The following KIF2C variants were observed in gnomAD, a reference collection of about 807,000 sequenced individuals.
KIF2C encodes the protein kinesin-like protein KIF2C.
KIF2C carries 34 observed loss-of-function variants against 97.4 expected under a neutral mutation model. The observed-to-expected ratio is 0.35, with a 90% confidence interval of 0.27 to 0.46. KIF2C has a LOEUF of 0.46. KIF2C is among the 20% of genes least tolerant of loss of function. The probability of loss-of-function intolerance (pLI) is 1.00; values close to 1 mark genes in which losing one functional copy is unlikely to be tolerated. For synonymous variants in KIF2C, 313 were observed against 318.2 expected (o/e 0.98, Z 0.17); for missense variants, 750 against 907.6 (o/e 0.83, Z 2.23).
chr1:44,759,333 T>C lies in KIF2C; in HGVS notation c.1352T>C (p.Met451Thr), dbSNP rs768589247. The part of the protein sequence containing the change: ...SADDVIKMID[M>T]GSACRTSGQT... ...GATGATGTCATCAAGATGATCGACA[T>C]GGGCAGCGCCTGCAGGTGAGAGTCC... The change falls in exon 14 of 21, where the codon ATG becomes ACG. Residue 451 changes from methionine (M) to threonine (T), a missense_variant. By Grantham distance (81) the Met-to-Thr change is moderately conservative. Coordinates refer to ENST00000372224, the MANE Select transcript of KIF2C (RefSeq NM_006845.4). 3 of 1,614,022 alleles carry C rather than the reference T, an allele frequency of 1.9e-6. No individual in the cohort carries two copies. Among genetic ancestry groups the C allele is most frequent in the African/African-American group, 2.7e-5 (2 of 74,942 alleles).
Position 44,760,628 on chromosome 1 carries a change from A to T in KIF2C, c.1609A>T (p.Thr537Ser). The T allele has an allele frequency of 6.2e-7, 1 of 1,614,054 alleles. No homozygotes were observed. Among genetic ancestry groups the T allele is most frequent in the Non-Finnish European group, 8.5e-7 (1 of 1,180,004 alleles). ...GGCCCTGGGACAGAACAAGGCTCAC[A>T]CCCCGTTCCGTGAGAGCAAGCTGAC... ...IRALGQNKAH[T>S]PFRESKLTQV... is the part of the protein sequence containing the mutation. Residue 537 changes from threonine (T) to serine (S), a missense_variant, in exon 16 of 21, where the codon ACC becomes TCC. Transcript: ENST00000372224. This position sits in a 1 kb window ranked among gnomAD's most constrained non-coding sequence, Gnocchi z 4.2.
At chr1:44,757,694 CT>C (rs1419023679) in intron 11 of KIF2C, 48 bp downstream of exon 11, 6 of 1,355,276 alleles carry the variant, frequency 4.4e-6, no homozygotes, top group Non-Finnish European at 5.3e-6. Flanking sequence ...TTGTGCACCC[CT>C]GGCTCCCTAT....
rs1227424363 is a variant in KIF2C at position 44,760,896 on chromosome 1, AG to A, written c.1683+196del. Reference sequence around the variant, plus strand: ...TGTGGCCTAACCAAGCGTGGAGGAAAGGATCTATTCCCTTTAAGATGTGTAG... The same window carrying A: ...TGTGGCCTAACCAAGCGTGGAGGAAAGATCTATTCCCTTTAAGATGTGTAG... On this transcript the variant is annotated intron_variant, in intron 16 of 20. Coordinates refer to ENST00000372224, the MANE Select transcript of KIF2C (RefSeq NM_006845.4). This position sits in a 1 kb window ranked among gnomAD's most constrained non-coding sequence, Gnocchi z 4.2. 1 of 583,162 alleles carries A rather than the reference AG, an allele frequency of 1.7e-6. No homozygotes were observed. Among genetic ancestry groups the A allele is most frequent in the Non-Finnish European group, 3.1e-6 (1 of 325,572 alleles). The allele number at this position is 583,162 out of a possible 1,614,324, so 36.1% of individuals were successfully genotyped here.
At chr1:44,765,778 G>A (rs1573581301) in intron 19 of KIF2C, among the ~76,000 whole-genome samples, 4 of 152,124 alleles carry the variant, frequency 2.6e-5, no homozygotes, top group Middle Eastern at 3.2e-3. Flanking sequence ...TTGACCGGGC[G>A]TGATGGCTCA....
chr1:44,757,466 G>A (rs1029969556), intron 10 of KIF2C, 90 bp from the exon 11 acceptor site: 6 of 835,134 alleles, frequency 7.2e-6, no homozygotes, highest in South Asian at 2.9e-5. Flanking sequence ...AGGAGGAATC[G>A]ACCCTAGAAC....
In KIF2C at chr1:44,739,952, T is replaced by A. The variant is rs1184453672; in HGVS notation, c.20T>A (p.Leu7His). 1 of 1,614,096 alleles carries A rather than the reference T, an allele frequency of 6.2e-7. No individual in the cohort carries two copies. The highest frequency in any genetic ancestry group is 1.3e-5 in the African/African-American group (1 of 74,944). ...CTCCGAATGGCCATGGACTCGTCGC[T>A]TCAGGCCCGCCTGTTTCCCGGTCTC... Reference protein sequence around the residue: MAMDSSLQARLFPGLAI... With the variant: MAMDSSHQARLFPGLAI... Residue 7 changes from leucine (L) to histidine (H), a missense_variant, in exon 1 of 21, where the codon CTT (leucine) becomes CAT (histidine). Transcript: ENST00000372224.
intron 2 of KIF2C, among the ~76,000 whole-genome samples, chr1:44,743,831 A>C (rs1263942789): frequency 6.6e-6 from 1 of 152,216 alleles, no homozygotes; most frequent in Non-Finnish European, 1.5e-5. Context: ...TGCTTAGCAT[A>C]GTACGTATAG....
intron 16 of KIF2C, 71 bp from the exon 17 acceptor site, chr1:44,761,845 C>A: frequency 2.1e-6 from 3 of 1,408,168 alleles, no homozygotes; most frequent in Non-Finnish European, 3.0e-6. Context: ...GACTGGAGGC[C>A]CCTCAGGGAC....
intron 6 of KIF2C, 46 bp from the exon 7 acceptor site, chr1:44,753,687 C>A: frequency 7.2e-7 from 1 of 1,386,662 alleles, no homozygotes; most frequent in Non-Finnish European, 1.0e-6. Flanking sequence ...AAACTGGTAA[C>A]AGAGTGGGCT....
At chr1:44,765,719 C>CA (rs1178185150) in intron 19 of KIF2C, among the ~76,000 whole-genome samples, 32 of 152,170 alleles carry the variant, frequency 2.1e-4, no homozygotes, top group Non-Finnish European at 4.4e-4. Context: ...CCTGTAGTCT[C>CA]AGCTACTCGG....
rs1170345618 is a variant in KIF2C, at chr1:44,759,355, G to C, written c.1367+7G>C. On this transcript the variant is annotated splice_region_variant and intron_variant, in intron 14 of 20. Transcript: ENST00000372224. ...ACATGGGCAGCGCCTGCAGGTGAGA[G>C]TCCTGGTGAGGGGAAGGAGCGACCT... 1 of 1,614,022 alleles carries C rather than the reference G, an allele frequency of 6.2e-7. No homozygotes were observed. The highest frequency in any genetic ancestry group is 1.7e-5 in the Admixed American group (1 of 60,028).
intron 19 of KIF2C, among the ~76,000 whole-genome samples, chr1:44,764,516 T>C (rs2148835856): frequency 6.9e-6 from 1 of 143,922 alleles, no homozygotes; most frequent in Middle Eastern, 3.6e-3. Context: ...TTTGTTTGTT[T>C]GTTTTGGGGG....
intron 6 of KIF2C, 113 bp downstream of exon 6, chr1:44,753,367 G>A: frequency 8.3e-7 from 1 of 1,210,612 alleles, no homozygotes; most frequent in Non-Finnish European, 1.1e-6. Context: ...TTTGTCACGT[G>A]GGGGCATGTT....
chr1:44,739,866 C>CT lies in KIF2C; in HGVS notation c.-65dup. ...TGCGGCGGTTTACGCGGCGTTAAGACTTCGTAGGGTTAGCGAAATTGAGGT... is the reference window on the plus strand; with the variant it reads ...TGCGGCGGTTTACGCGGCGTTAAGACTTTCGTAGGGTTAGCGAAATTGAGGT... On this transcript the variant is annotated 5_prime_UTR_variant, in exon 1 of 21. Coordinates refer to ENST00000372224, the MANE Select transcript of KIF2C (RefSeq NM_006845.4). The CT allele has an allele frequency of 6.9e-7, 1 of 1,457,914 alleles. No individual in the cohort carries two copies. The highest frequency in any genetic ancestry group is 9.6e-7 in the Non-Finnish European group (1 of 1,037,846). The allele number at this position is 1,457,914 out of a possible 1,614,324, so 90.3% of individuals were successfully genotyped here.
rs759232877 is a variant in KIF2C, at chr1:44,766,726, G to A, written c.1972-100G>A. On this transcript the variant is annotated intron_variant, in intron 19 of 20. Transcript: ENST00000372224. ...CCAGGGTATGGGTCAGGGACCAGAGGTAAAGCATCTTACTCAGGTGTCTGC... is the reference window on the plus strand; with the variant it reads ...CCAGGGTATGGGTCAGGGACCAGAGATAAAGCATCTTACTCAGGTGTCTGC... 239 of 1,326,754 alleles carry A rather than the reference G, an allele frequency of 1.8e-4. 1 individual carries two copies. The highest frequency in any genetic ancestry group is 2.3e-4 in the Admixed American group (11 of 48,444). The allele number at this position is 1,326,754 out of a possible 1,614,324, so 82.2% of individuals were successfully genotyped here.
At position 44,766,630 on chromosome 1, in the gene KIF2C, G is replaced by A. The variant is rs932094958; in HGVS notation, c.1972-196G>A. On this transcript the variant is annotated intron_variant, in intron 19 of 20. Transcript: ENST00000372224. The stretch of plus-strand genomic sequence containing the variant: ...GTCTCAAAAAAGAAACAAAGAAAAC[G>A]AAAAAAACAAGCTTGGGGTAGGAAG... Among the ~76,000 whole-genome samples, 8 of 152,012 alleles carry A rather than the reference G, an allele frequency of 5.3e-5. 1 individual carries two copies. In the South Asian group the frequency reaches 1.5e-3, roughly 28 times the overall value.
Position 44,750,536 on chromosome 1 carries a change from A to G in KIF2C, c.411A>G (p.Ala137=). The change falls in exon 5 of 21, where the codon GCA becomes GCG. Residue 137 remains alanine (A), a synonymous_variant. Transcript: ENST00000372224. ...NDMEVELPAA[A]NSRKQFSVPP... Reference sequence around the variant, plus strand: ...TGGAGGTGGAGCTGCCTGCAGCTGCAAACTCCCGCAAGCAGTTTTCAGTTC... The same window carrying G: ...TGGAGGTGGAGCTGCCTGCAGCTGCGAACTCCCGCAAGCAGTTTTCAGTTC... 6.3e-7 allele frequency: 1 copy of G among 1,585,460 alleles called. No homozygotes were observed. Among genetic ancestry groups the G allele is most frequent in the Non-Finnish European group, 8.6e-7 (1 of 1,163,180 alleles).
chr1:44,756,584 C>G (rs1470383187), intron 10 of KIF2C, among the ~76,000 whole-genome samples: 1 of 102,478 alleles, frequency 9.8e-6, no homozygotes, highest in Non-Finnish European at 1.8e-5. Flanking sequence ...CGGAGTTTTG[C>G]TCTTGTTGCC....
Position 44,754,783 on chromosome 1 carries a change from G to T in KIF2C, c.697G>T (p.Ala233Ser). ...YDSSFPNWEF[A>S]RMIKEFRATL... ...CAGTAGTTTTCCAAACTGGGAATTTGCCCGAATGATTAAAGAATTTCGGGC... is the reference window on the plus strand; with the variant it reads ...CAGTAGTTTTCCAAACTGGGAATTTTCCCGAATGATTAAAGAATTTCGGGC... Residue 233 changes from alanine (A) to serine (S), a missense_variant, in exon 8 of 21, where the codon GCC becomes TCC. Coordinates refer to ENST00000372224, the MANE Select transcript of KIF2C (RefSeq NM_006845.4). 6.2e-7 allele frequency: 1 copy of T among 1,613,528 alleles called. No individual in the cohort carries two copies. The highest frequency in any genetic ancestry group is 1.6e-4 in the Middle Eastern group (1 of 6,062).
Sources: allele counts gnomAD v4.1 joint callset (sites outside exome capture counted in the v4.1 genomes callset), GRCh38; gene constraint gnomAD v4.1.1; non-coding constraint Gnocchi (gnomAD v3.1); transcripts MANE v1.5; gene names NCBI Gene and HGNC (gene_info 2026-07-23, HGNC 2026-07-21).